CBLB: variants seen among roughly 807,000 people sequenced by gnomAD.
CBLB encodes the protein Cbl proto-oncogene B.
CBLB carries 31 observed loss-of-function variants against 104.9 expected under a neutral mutation model. That is an observed-to-expected ratio of 0.30 (90% confidence interval 0.22 to 0.40). The LOEUF (loss-of-function observed/expected upper bound fraction) is 0.40, where lower values mean the gene tolerates loss of function less well. Ranked by LOEUF, CBLB falls within the 10% of genes least tolerant of loss-of-function variation. The pLI, the probability that CBLB is intolerant of heterozygous loss-of-function variation, is 1.00. For missense variants in CBLB, 1,062 were observed against 1,214.6 expected (o/e 0.87, Z 1.87); for synonymous variants, 440 against 422.6 (o/e 1.04, Z -0.51).
intron 2 of CBLB, among the ~76,000 whole-genome samples, chr3:105,866,883 C>T (rs1171173085): frequency 6.6e-6 from 1 of 152,168 alleles, no homozygotes; most frequent in Non-Finnish European, 1.5e-5. Context: ...TGTTAACTCT[C>T]CCATTAACAA....
chr3:105,756,883 A>G (rs1576921989), intron 4 of CBLB, among the ~76,000 whole-genome samples: 2 of 152,298 alleles, frequency 1.3e-5, no homozygotes, highest in South Asian at 4.1e-4. Flanking sequence ...TGATCGGATC[A>G]TGGGAGCATA....
chr3:105,673,480 T>TA (rs2065283225), intron 17 of CBLB: 1 of 152,146 alleles, frequency 6.6e-6, no homozygotes, highest in African/African-American at 2.4e-5. Context: ...ATGGCAAATT[T>TA]CCTCCCTGGC....
At chr3:105,846,962 T>A (rs1361341866) in intron 3 of CBLB, among the ~76,000 whole-genome samples, 1 of 152,104 alleles carries the variant, frequency 6.6e-6, no homozygotes, top group African/African-American at 2.4e-5. Context: ...TTTAAGCATT[T>A]AAATTAATAC....
At chr3:105,673,067 ATTTTTTTTT>A (rs11354375) in intron 17 of CBLB, 1 of 135,312 alleles carries the variant, frequency 7.4e-6, no homozygotes, top group Non-Finnish European at 1.6e-5. Flanking sequence ...GGAAGTATGG[ATTTTTTTTT>A]TTTTTTTTTT....
chr3:105,658,979 T>G lies in CBLB; in HGVS notation c.2940A>C (p.Leu980=). 6.2e-7 allele frequency: 1 copy of G among 1,613,914 alleles called. No homozygotes were observed. The highest frequency in any genetic ancestry group is 8.5e-7 in the Non-Finnish European group (1 of 1,179,900). The change falls in exon 19 of 19, where the codon CTA becomes CTC. Residue 980 remains leucine, a synonymous_variant. Coordinates refer to ENST00000394030, the MANE Select transcript of CBLB (RefSeq NM_170662.5). Reference sequence around the variant, plus strand: ...TCTACAGTTCTGGCTGCTATAGATTTAGACGTGGGGATACTGGAGGAGGGA... The same window carrying G: ...TCTACAGTTCTGGCTGCTATAGATTGAGACGTGGGGATACTGGAGGAGGGA... ...FAFPPPVSPR[L]NL
At chr3:105,868,664 G>A in intron 1 of CBLB, 72 bp downstream of exon 1, 1 of 965,494 alleles carries the variant, frequency 1.0e-6, no homozygotes. Context: ...TCCTTGGCCC[G>A]CGCCTGGCTA....
At chr3:105,867,296 C>A (rs2092480204) in intron 2 of CBLB, 114 bp downstream of exon 2, 3 of 1,035,872 alleles carry the variant, frequency 2.9e-6, no homozygotes, top group South Asian at 1.3e-5. Flanking sequence ...GAATTGAAAT[C>A]AAAAGATTGT....
chr3:105,756,986 C>T (rs2077142636), intron 4 of CBLB, among the ~76,000 whole-genome samples: 1 of 152,090 alleles, frequency 6.6e-6, no homozygotes, highest in Non-Finnish European at 1.5e-5. Context: ...ACGGCACCTC[C>T]CCTTGCTCTC....
chr3:105,693,474 C>G lies in CBLB; in HGVS notation c.2054+20G>C. 3 of 1,550,296 alleles carry G rather than the reference C, an allele frequency of 1.9e-6. No individual in the cohort carries two copies. The highest frequency in any genetic ancestry group is 2.7e-6 in the Non-Finnish European group (3 of 1,122,762). The stretch of plus-strand genomic sequence containing the variant: ...ATCTTGATGCATAGACAAGTGATCT[C>G]CAAATTCAACAAAACTCACTTTATG... On this transcript the variant is annotated intron_variant, in intron 13 of 18. Coordinates refer to ENST00000394030, the MANE Select transcript of CBLB (RefSeq NM_170662.5).
At chr3:105,767,542 T>A (rs1300070292) in intron 4 of CBLB, among the ~76,000 whole-genome samples, 1 of 137,698 alleles carries the variant, frequency 7.3e-6, no homozygotes, top group Non-Finnish European at 1.5e-5. Flanking sequence ...AAATAATTTT[T>A]AAAATTTTTC....
At chr3:105,817,535 C>T (rs1337370465) in intron 3 of CBLB, among the ~76,000 whole-genome samples, 2 of 152,122 alleles carry the variant, frequency 1.3e-5, no homozygotes, top group Non-Finnish European at 2.9e-5. Context: ...AGAACCAAGA[C>T]AGACGATGTC....
At chr3:105,710,969 T>C (rs1352780116) in intron 10 of CBLB, among the ~76,000 whole-genome samples, 2 of 151,952 alleles carry the variant, frequency 1.3e-5, no homozygotes, top group Admixed American at 6.6e-5. Context: ...CAATTACCAA[T>C]AATAATTGGG....
intron 9 of CBLB, among the ~76,000 whole-genome samples, chr3:105,722,519 G>A (rs542743283): frequency 6.6e-6 from 1 of 152,016 alleles, no homozygotes; most frequent in South Asian, 2.1e-4. Context: ...AAATTCACTG[G>A]TAAATATTTT....
At chr3:105,725,235 C>T (rs1394170872) in intron 9 of CBLB, among the ~76,000 whole-genome samples, 4 of 152,156 alleles carry the variant, frequency 2.6e-5, no homozygotes, top group South Asian at 2.1e-4. Context: ...TCTGAGGACA[C>T]GTTTTTACAT....
chr3:105,663,161 T>C (rs1196035978), intron 18 of CBLB, among the ~76,000 whole-genome samples: 1 of 152,294 alleles, frequency 6.6e-6, no homozygotes, highest in African/African-American at 2.4e-5. Flanking sequence ...AGACCTTCAC[T>C]ATCACAGTTA....
Position 105,775,361 on chromosome 3 carries a change from G to GA in CBLB, c.566+1034dup, listed in dbSNP as rs1387359212. Among the ~76,000 whole-genome samples the GA allele has an allele frequency of 2.7e-5, 4 of 149,086 alleles. No homozygotes were observed. In the South Asian group the frequency reaches 8.6e-4, roughly 32 times the overall value. On this transcript the variant is annotated intron_variant, in intron 4 of 18. Transcript: ENST00000394030. Reference sequence around the variant, plus strand: ...ATAGTAAACTATAGTACTTTGTAAAGAAAAAACAAAAACAAAAACAAAAAC... The same window carrying GA: ...ATAGTAAACTATAGTACTTTGTAAAGAAAAAAACAAAAACAAAAACAAAAAC...
At chr3:105,844,136 G>T (rs1029790986) in intron 3 of CBLB, among the ~76,000 whole-genome samples, 7 of 152,120 alleles carry the variant, frequency 4.6e-5, no homozygotes, top group Admixed American at 6.5e-5. Context: ...ACAGACTTAC[G>T]CTGCCATAAG....
chr3:105,704,196 T>C (rs375194927), intron 10 of CBLB, 23 bp from the exon 11 acceptor site: 18 of 1,608,660 alleles, frequency 1.1e-5, no homozygotes, highest in African/African-American at 6.7e-5. Flanking sequence ...AAGAGAAAGA[T>C]GCCGCTGTTT....
chr3:105,675,191 T>C (rs533685348), intron 17 of CBLB, among the ~76,000 whole-genome samples: 2 of 152,304 alleles, frequency 1.3e-5, no homozygotes, highest in South Asian at 4.1e-4. Flanking sequence ...ATCTCAATAA[T>C]GTTTAGAAAA....
Sources: gnomAD v4.1 joint callset for allele counts (sites outside exome capture counted in the v4.1 genomes callset) on GRCh38, gnomAD v4.1.1 for gene constraint, MANE v1.5 for transcripts, NCBI Gene and HGNC (gene_info 2026-07-23, HGNC 2026-07-21) for gene names.